The following HPSE2 variants were observed in gnomAD, a reference collection of about 807,000 sequenced individuals.
HPSE2 encodes the protein heparanase 2 (inactive).
HPSE2 carries 38 observed loss-of-function variants against 60.5 expected under a neutral mutation model. The observed-to-expected ratio is 0.63, with a 90% CI of 0.48 to 0.82. HPSE2 has a LOEUF of 0.82. Ranked by LOEUF, HPSE2 falls within the 40% of genes least tolerant of loss-of-function variation. The probability of loss-of-function intolerance (pLI) is 0.00; values close to 1 mark genes in which losing one functional copy is unlikely to be tolerated. For synonymous variants in HPSE2, 295 were observed against 293.2 expected, an observed-to-expected ratio of 1.01 and a Z score of -0.06; for missense variants, 713 against 740.4, an observed-to-expected ratio of 0.96 and a Z score of 0.43.
At chr10:98,653,826 T>A (rs1035765171) in intron 6 of HPSE2, among the ~76,000 whole-genome samples, 1 of 152,164 alleles carries the variant, frequency 6.6e-6, no homozygotes, top group African/African-American at 2.4e-5. Flanking sequence ...TAGACTTGCA[T>A]TTCTGATCTA....
At chr10:99,289,127 A>C in the HPSE2 span, among the ~76,000 whole-genome samples, 1 of 152,196 alleles carries the variant, frequency 6.6e-6, no homozygotes, top group Admixed American at 6.5e-5. Context: ...GAGGCAATTT[A>C]AGAAGCATCA....
At chr10:98,587,977 T>C (rs1944983376) in intron 9 of HPSE2, among the ~76,000 whole-genome samples, 1 of 152,242 alleles carries the variant, frequency 6.6e-6, no homozygotes, top group Non-Finnish European at 1.5e-5. Flanking sequence ...TCATTCTCTA[T>C]ATATCATGCT....
chr10:98,532,550 G>C (rs1943163052), intron 9 of HPSE2, among the ~76,000 whole-genome samples: 1 of 152,164 alleles, frequency 6.6e-6, no homozygotes, highest in African/African-American at 2.4e-5. Context: ...TATAGTGCTT[G>C]ATACATAATA....
At chr10:98,489,338 CAATT>C (rs1279873797) in intron 10 of HPSE2, among the ~76,000 whole-genome samples, 1 of 152,086 alleles carries the variant, frequency 6.6e-6, no homozygotes, top group Non-Finnish European at 1.5e-5. Context: ...TATTTATTGA[CAATT>C]AATTTTCCTG....
chr10:98,743,325 CT>C (rs1309228362), intron 4 of HPSE2, among the ~76,000 whole-genome samples: 1 of 152,120 alleles, frequency 6.6e-6, no homozygotes, highest in Non-Finnish European at 1.5e-5. Flanking sequence ...GCTGCACACC[CT>C]TGAAACTAGC....
At chr10:99,044,176 G>A (rs1048636410) in intron 3 of HPSE2, among the ~76,000 whole-genome samples, 1 of 152,146 alleles carries the variant, frequency 6.6e-6, no homozygotes, top group African/African-American at 2.4e-5. Flanking sequence ...AACCTTAAAA[G>A]CCAGAAGAAA....
At chr10:98,607,905 G>A (rs1487955969) in intron 9 of HPSE2, among the ~76,000 whole-genome samples, 1 of 151,964 alleles carries the variant, frequency 6.6e-6, no homozygotes, top group Non-Finnish European at 1.5e-5. Flanking sequence ...TTATATTCAG[G>A]TTATTAATGA....
At chr10:99,073,874 A>C (rs71486198) in intron 3 of HPSE2, among the ~76,000 whole-genome samples, 15,091 of 151,694 alleles carry the variant, frequency 0.099, 785 homozygotes, top group South Asian at 0.19. Flanking sequence ...ATGGAAACAA[A>C]AGTGACTTTT....
the HPSE2 span, among the ~76,000 whole-genome samples, chr10:99,305,495 T>A: frequency 6.6e-6 from 1 of 151,888 alleles, no homozygotes; most frequent in Admixed American, 6.6e-5. Flanking sequence ...TAGGAAAGGG[T>A]GAATCTTAAT....
intron 3 of HPSE2, among the ~76,000 whole-genome samples, chr10:98,935,833 C>T (rs890099985): frequency 1.4e-5 from 2 of 145,214 alleles, no homozygotes; most frequent in South Asian, 4.2e-4. Flanking sequence ...GGAAATCCCC[C>T]TCTTCGGAAT....
At chr10:98,849,464 C>A (rs1162635904) in intron 3 of HPSE2, among the ~76,000 whole-genome samples, 1 of 152,162 alleles carries the variant, frequency 6.6e-6, no homozygotes, top group East Asian at 1.9e-4. Flanking sequence ...TATCTGACAA[C>A]CATCCTTCTG....
chr10:98,633,482 A>C (rs1946418529), intron 7 of HPSE2, among the ~76,000 whole-genome samples: 1 of 152,102 alleles, frequency 6.6e-6, no homozygotes, highest in African/African-American at 2.4e-5. Flanking sequence ...CAAAGTGCTG[A>C]GATTACAGGT....
rs977655655 is a variant in HPSE2 at position 98,933,391 on chromosome 10, A to C, written c.611-189335T>G. ...TTCCAATTATGTGATCAATTTTAGA[A>C]TAAGTGCCATGTGGCACCAAAAAGA... On this transcript the variant is annotated intron_variant, in intron 3 of 11. Coordinates refer to ENST00000370552, the MANE Select transcript of HPSE2 (RefSeq NM_021828.5). 3.9e-4 allele frequency among the ~76,000 whole-genome samples: 56 copies of C among 144,284 alleles called. 12 individuals are homozygous for C. The highest frequency in any genetic ancestry group is 1.6e-3 in the African/African-American group (56 of 35,558). 94.7% of individuals were successfully genotyped at this position (144,284 alleles called of 152,430 possible). A position where few individuals can be genotyped will look rare whatever the true frequency, so the allele number is the denominator to read the frequency against.
At chr10:98,711,424 A>C (rs1345983721) in intron 5 of HPSE2, among the ~76,000 whole-genome samples, 1 of 152,160 alleles carries the variant, frequency 6.6e-6, no homozygotes, top group Non-Finnish European at 1.5e-5. Flanking sequence ...TTTGTATGCT[A>C]GACTATTTAG....
chr10:99,195,350 G>A (rs1848357893), intron 2 of HPSE2, among the ~76,000 whole-genome samples: 1 of 151,618 alleles, frequency 6.6e-6, no homozygotes, highest in Non-Finnish European at 1.5e-5. Flanking sequence ...CATAGTACTG[G>A]AAGTTCTAGA....
At position 99,149,072 on chromosome 10, in the gene HPSE2, C is replaced by T. The variant is rs74232624; in HGVS notation, c.449-4673G>A. ...ACAAAAAAAAATAGCTGAAACTGAG[C>T]CTGGCAAAGAAAGAGCCAAAGATGA... On this transcript the variant is annotated intron_variant, in intron 2 of 11. Coordinates refer to ENST00000370552, the MANE Select transcript of HPSE2 (RefSeq NM_021828.5). 2.0e-5 allele frequency among the ~76,000 whole-genome samples: 3 copies of T among 151,894 alleles called. No individual in the cohort carries two copies. In the East Asian group the frequency reaches 5.8e-4, roughly 29 times the overall value.
chr10:98,678,429 G>C (rs1346852306), intron 6 of HPSE2, among the ~76,000 whole-genome samples: 1 of 152,130 alleles, frequency 6.6e-6, no homozygotes, highest in Non-Finnish European at 1.5e-5. Flanking sequence ...AGACTGCAGG[G>C]TCCCATTCCC....
chr10:98,468,627 T>C (rs759917460), intron 11 of HPSE2, among the ~76,000 whole-genome samples: 3 of 152,088 alleles, frequency 2.0e-5, no homozygotes, highest in Non-Finnish European at 2.9e-5. Flanking sequence ...TGTCTGCTAC[T>C]GACTTTTCAT....
chr10:98,534,691 C>A (rs894579548), intron 9 of HPSE2, among the ~76,000 whole-genome samples: 57 of 152,336 alleles, frequency 3.7e-4, no homozygotes, highest in Admixed American at 1.0e-3. Flanking sequence ...AGGCATGAAC[C>A]ACCGTACCCA....
Sources: allele counts gnomAD v4.1 joint callset (sites outside exome capture counted in the v4.1 genomes callset), GRCh38; gene constraint gnomAD v4.1.1; transcripts MANE v1.5; gene names NCBI Gene and HGNC (gene_info 2026-07-23, HGNC 2026-07-21).